CHLSN: variants seen among roughly 807,000 people sequenced by gnomAD.
CHLSN encodes the protein protein cholesin.
the CHLSN span, among the ~76,000 whole-genome samples, chr7:1,019,214 G>A: frequency 0.017 from 1,511 of 91,526 alleles, 105 homozygotes; most frequent in African/African-American, 0.061. Flanking sequence ...AAAAAAAACG[G>A]GGGGGGGGGA....
At chr7:1,054,010 G>A in the CHLSN span, among the ~76,000 whole-genome samples, 39 of 152,324 alleles carry the variant, frequency 2.6e-4, no homozygotes, top group Admixed American at 4.6e-4. Context: ...AGGCGTGGCC[G>A]AGGAAGGGGT....
chr7:1,055,851 C>T, the CHLSN span, among the ~76,000 whole-genome samples: 2 of 152,198 alleles, frequency 1.3e-5, no homozygotes, highest in Non-Finnish European at 2.9e-5. Context: ...CCAGGCCAGG[C>T]TGCTGACTGA....
the CHLSN span, among the ~76,000 whole-genome samples, chr7:1,063,549 T>C: frequency 6.6e-6 from 1 of 152,234 alleles, no homozygotes; most frequent in South Asian, 2.1e-4. Context: ...AGCGGCGCTG[T>C]TCTGCCGTGT....
At chr7:983,221 C>A in the CHLSN span, 1 of 1,518,438 alleles carries the variant, frequency 6.6e-7, no homozygotes, top group Non-Finnish European at 8.9e-7. Context: ...CATGGCCCTG[C>A]TGCTCTTGCT....
At chr7:1,136,359 CAT>C in the CHLSN span, among the ~76,000 whole-genome samples, 57 of 29,330 alleles carry the variant, frequency 1.9e-3, 2 homozygotes, top group East Asian at 4.4e-3. Flanking sequence ...TATATATAAA[CAT>C]ATATATAAAT....
At chr7:1,036,851 T>C in the CHLSN span, among the ~76,000 whole-genome samples, 1 of 148,226 alleles carries the variant, frequency 6.7e-6, no homozygotes, top group Admixed American at 6.7e-5. Context: ...GGCTCATGCC[T>C]GTAGTCCCAT....
chr7:1,113,868 G>T, the CHLSN span, among the ~76,000 whole-genome samples: 2 of 152,222 alleles, frequency 1.3e-5, no homozygotes, highest in African/African-American at 4.8e-5. Context: ...GACCCGGCCT[G>T]GACGGCAGGA....
the CHLSN span, among the ~76,000 whole-genome samples, chr7:1,001,636 GGGAGTCCTGTGGGTGAGT>G: frequency 9.6e-6 from 1 of 104,324 alleles, no homozygotes; most frequent in East Asian, 3.2e-4. Flanking sequence ...CCTGCGGGTG[GGGAGTCCTGTGGGTGAGT>G]GGAGTCCTGT....
chr7:1,020,165 G>A, the CHLSN span, among the ~76,000 whole-genome samples: 2 of 152,278 alleles, frequency 1.3e-5, no homozygotes, highest in South Asian at 2.1e-4. Context: ...CCCCGCGTGC[G>A]ATGCCCTGGT....
At chr7:1,057,876 G>A in the CHLSN span, 17 of 776,978 alleles carry the variant, frequency 2.2e-5, no homozygotes, top group South Asian at 6.7e-5. Flanking sequence ...GTACTCCACC[G>A]CCCTGCTGAG....
the CHLSN span, among the ~76,000 whole-genome samples, chr7:1,016,220 C>G: frequency 7.6e-3 from 445 of 58,240 alleles, 41 homozygotes; most frequent in African/African-American, 0.049. Context: ...CACACAGCAG[C>G]ACACGCCAGC....
At chr7:1,071,730 C>T in the CHLSN span, among the ~76,000 whole-genome samples, 1 of 152,198 alleles carries the variant, frequency 6.6e-6, no homozygotes, top group East Asian at 1.9e-4. Flanking sequence ...GATGCACGCC[C>T]ACCTCAGTCA....
the CHLSN span, among the ~76,000 whole-genome samples, chr7:1,041,841 G>C: frequency 4.5e-4 from 69 of 151,666 alleles, no homozygotes; most frequent in African/African-American, 1.6e-3. Flanking sequence ...ACCCAGGCCA[G>C]CTGGGCCCCT....
chr7:1,043,818 G>C, the CHLSN span: 1 of 152,296 alleles, frequency 6.6e-6, no homozygotes, highest in Non-Finnish European at 1.5e-5. Flanking sequence ...TATTCTTCCT[G>C]CTGGTGTTCC....
chr7:1,017,197 G>A, the CHLSN span, among the ~76,000 whole-genome samples: 1 of 151,972 alleles, frequency 6.6e-6, no homozygotes, highest in African/African-American at 2.4e-5. Flanking sequence ...CTGGGGAAGT[G>A]GTGGCCGTGC....
At chr7:1,015,659 A>G in the CHLSN span, among the ~76,000 whole-genome samples, 1 of 152,190 alleles carries the variant, frequency 6.6e-6, no homozygotes, top group African/African-American at 2.4e-5. Flanking sequence ...CCCAGGACTA[A>G]CCCAGAGGGT....
chr7:1,094,094 C>T, the CHLSN span, among the ~76,000 whole-genome samples: 1 of 152,248 alleles, frequency 6.6e-6, no homozygotes, highest in South Asian at 2.1e-4. Context: ...GCAGCCTGTG[C>T]GACCTAAGCT....
the CHLSN span, chr7:1,080,786 C>G: frequency 3.3e-4 from 51 of 152,412 alleles, no homozygotes; most frequent in Admixed American, 2.9e-3. Context: ...GACTCCGTGA[C>G]CTCGGCTGCA....
chr7:1,064,824 C>T, the CHLSN span, among the ~76,000 whole-genome samples: 1 of 152,340 alleles, frequency 6.6e-6, no homozygotes, highest in African/African-American at 2.4e-5. Flanking sequence ...TGCCAGGCTC[C>T]AGGGCTCCAG....
Sources: allele counts gnomAD v4.1 joint callset (sites outside exome capture counted in the v4.1 genomes callset), GRCh38; gene constraint gnomAD v4.1.1; transcripts MANE v1.5; gene names NCBI Gene and HGNC (gene_info 2026-07-23, HGNC 2026-07-21).